KMT5C: variants seen among roughly 807,000 people sequenced by gnomAD.
The protein encoded by KMT5C is histone-lysine N-methyltransferase KMT5C.
In KMT5C, 16 loss-of-function variants were observed where a neutral mutation model predicts 38.2. The ratio of observed to expected loss-of-function variants is 0.42; its 90% confidence interval spans 0.28 to 0.64. The LOEUF is 0.64. KMT5C is among the 30% of genes least tolerant of loss of function. KMT5C has a pLI of 0.23. For synonymous variants in KMT5C, 291 were observed against 279.0 expected (o/e 1.04, Z -0.43); for missense variants, 598 against 665.1 (o/e 0.90, Z 1.11).
chr19:55,342,848 C>G lies in KMT5C; in HGVS notation c.383C>G (p.Ala128Gly), dbSNP rs768377793. The change falls in exon 4 of 9, where the codon GCT becomes GGT. Residue 128 changes from alanine (A) to glycine (G), a missense_variant. Physicochemically the swap from Ala to Gly is moderately conservative, Grantham distance 60. Transcript: ENST00000255613. ...GGGGCCAAGATCGTGTCCACTCGTG[C>G]TTGGTAAGAGGGCAGGACTCCCTGC... is the stretch of plus-strand genomic sequence containing the variant. ...TNGAKIVSTR[A>G]WKKNEKLELL... 7 of 1,576,340 alleles carry G rather than the reference C, an allele frequency of 4.4e-6. No homozygotes were observed. The South Asian group carries it at 7.8e-5, about 17-fold the overall frequency.
Position 55,341,941 on chromosome 19 carries a change from G to T in KMT5C, c.5G>T (p.Gly2Val). 1 of 1,612,728 alleles carries T rather than the reference G, an allele frequency of 6.2e-7. No homozygotes were observed. Among genetic ancestry groups the T allele is most frequent in the Non-Finnish European group, 8.5e-7 (1 of 1,179,206 alleles). The change falls in exon 2 of 9, where the codon GGG (glycine) becomes GTG (valine). Residue 2 changes from glycine (G) to valine (V), a missense_variant. Physicochemically the swap from Gly to Val is moderately radical, Grantham distance 109. This residue lies in a region of KMT5C where 167 missense variants were observed against 187.8 expected (regional missense o/e 0.89). Transcript: ENST00000255613. ...CAGCATGGTCCGCAGGGCACCATGGGGCCCGACAGAGTGACAGCACGAGAA... is the reference window on the plus strand; with the variant it reads ...CAGCATGGTCCGCAGGGCACCATGGTGCCCGACAGAGTGACAGCACGAGAA... M[G>V]PDRVTARELC...
intron 6 of KMT5C, chr19:55,345,956 C>T (rs1022370301): frequency 3.3e-5 from 18 of 539,180 alleles, no homozygotes; most frequent in East Asian, 2.9e-4. Context: ...TGGCACTGCA[C>T]GCTGCCAGAA....
Position 55,343,384 on chromosome 19 carries a change from T to A in KMT5C, c.387-296T>A, listed in dbSNP as rs2089582691. On this transcript the variant is annotated intron_variant, in intron 4 of 8. Transcript: ENST00000255613. This position sits in a 1 kb window ranked among gnomAD's most constrained non-coding sequence, Gnocchi z 5.5. ...TAGGGGGTAGTCCAGGCAGGAGGGA[T>A]TTGGGGGCAGGAGGTGCTATGAGAG... is the stretch of plus-strand genomic sequence containing the variant. The A allele has an allele frequency of 2.3e-6, 1 of 430,792 alleles. No homozygotes were observed. Among genetic ancestry groups the A allele is most frequent in the Non-Finnish European group, 4.3e-6 (1 of 233,450 alleles). 26.7% of individuals were successfully genotyped at this position (430,792 alleles called of 1,614,324 possible).
chr19:55,346,762 C>T (rs1056545733), intron 8 of KMT5C, 75 bp downstream of exon 8: 10 of 1,307,452 alleles, frequency 7.6e-6, no homozygotes, highest in Admixed American at 2.5e-5. Flanking sequence ...TTCTTCTGAG[C>T]TCTCTGCCTA....
chr19:55,346,850 G>C (rs2089624993), intron 8 of KMT5C, 106 bp from the exon 9 acceptor site: 2 of 789,548 alleles, frequency 2.5e-6, no homozygotes, highest in African/African-American at 1.7e-5. Flanking sequence ...TTCCTCTGGG[G>C]AGCGCAGGGC....
At chr19:55,341,626 G>T in intron 1 of KMT5C, 168 bp from the exon 2 acceptor site, 1 of 422,526 alleles carries the variant, frequency 2.4e-6, no homozygotes, top group Non-Finnish European at 4.4e-6. Flanking sequence ...GTGCATGTGG[G>T]GGTTGTGTGT....
chr19:55,341,705 G>GTT (rs1757058916), intron 1 of KMT5C, 89 bp from the exon 2 acceptor site: 1 of 570,724 alleles, frequency 1.8e-6, no homozygotes, highest in Non-Finnish European at 3.1e-6. Context: ...CATGGCTCTG[G>GTT]GCTTTCCCTA....
Position 55,347,204 on chromosome 19 carries a change from G to C in KMT5C, c.1144G>C (p.Ala382Pro). 4 of 1,538,850 alleles carry C rather than the reference G, an allele frequency of 2.6e-6. No homozygotes were observed. Among genetic ancestry groups the C allele is most frequent in the Non-Finnish European group, 3.5e-6 (4 of 1,146,724 alleles). The change falls in exon 9 of 9, where the codon GCC becomes CCC. Residue 382 changes from alanine (A) to proline (P), a missense_variant. By Grantham distance (27) the Ala-to-Pro change is conservative. This residue lies in a region of KMT5C where 326 missense variants were observed against 298.1 expected (regional missense o/e 1.09). Coordinates refer to ENST00000255613, the MANE Select transcript of KMT5C (RefSeq NM_032701.4). The surrounding 1 kb of genome is among the most constrained non-coding windows in gnomAD (Gnocchi z 4.6). Reference protein sequence around the residue: ...ALVALGQPPHARWAPQQDWHW... With the variant: ...ALVALGQPPHPRWAPQQDWHW... The stretch of plus-strand genomic sequence containing the variant: ...GGTGGCCCTGGGCCAGCCCCCCCAC[G>C]CCCGCTGGGCCCCTCAGCAGGACTG...
Position 55,343,021 on chromosome 19 carries a change from G to A in KMT5C, c.386+170G>A, listed in dbSNP as rs12610863. 226,795 of 598,636 alleles carry A rather than the reference G, an allele frequency of 0.38. 48,548 individuals are homozygous for A. The highest frequency in any genetic ancestry group is 0.72 in the East Asian group (25,689 of 35,462). 37.1% of individuals were successfully genotyped at this position (598,636 alleles called of 1,614,324 possible). A position where few individuals can be genotyped will look rare whatever the true frequency, so the allele number is the denominator to read the frequency against. Reference sequence around the variant, plus strand: ...ATCCCGGAAGACCTTTGTGGCTACCGTGGTGCCGCTGGAGCAGGAGACCCC... The same window carrying A: ...ATCCCGGAAGACCTTTGTGGCTACCATGGTGCCGCTGGAGCAGGAGACCCC... On this transcript the variant is annotated intron_variant, in intron 4 of 8. Coordinates refer to ENST00000255613, the MANE Select transcript of KMT5C (RefSeq NM_032701.4). The surrounding 1 kb of genome is among the most constrained non-coding windows in gnomAD (Gnocchi z 5.5).
chr19:55,347,547 G>A lies in KMT5C; in HGVS notation c.*98G>A. On this transcript the variant is annotated 3_prime_UTR_variant, in exon 9 of 9. Coordinates refer to ENST00000255613, the MANE Select transcript of KMT5C (RefSeq NM_032701.4). The surrounding 1 kb of genome is among the most constrained non-coding windows in gnomAD (Gnocchi z 4.6). ...GCCCTTGGACCTCTGGGAGGGAGCT[G>A]ACCCTTGACTCCAGCATAGCTCTGA... The A allele has an allele frequency of 6.9e-7, 1 of 1,445,408 alleles. No homozygotes were observed. The highest frequency in any genetic ancestry group is 9.1e-7 in the Non-Finnish European group (1 of 1,104,970). The allele number at this position is 1,445,408 out of a possible 1,614,324, so 89.5% of individuals were successfully genotyped here. A position where few individuals can be genotyped will look rare whatever the true frequency, so the allele number is the denominator to read the frequency against.
chr19:55,342,715 C>T, intron 3 of KMT5C, 27 bp from the exon 4 acceptor site: 1 of 1,307,734 alleles, frequency 7.6e-7, no homozygotes, highest in Non-Finnish European at 1.1e-6. Context: ...TGCCCCGCCT[C>T]CTCACCCCCA....
chr19:55,346,548 A>T lies in KMT5C; in HGVS notation c.756A>T (p.Pro252=), dbSNP rs1423702950. 6.3e-7 allele frequency: 1 copy of T among 1,595,972 alleles called. No individual in the cohort carries two copies. ...CCAGGCCTAGGGAGCCCGCGTTGCC[A>T]CCACGGCCCCTGGACAAGTACCAGC... ...FRTRPREPAL[P]PRPLDKYQLR... Residue 252 remains proline (P), a synonymous_variant, in exon 8 of 9, where the codon CCA becomes CCT. Coordinates refer to ENST00000255613, the MANE Select transcript of KMT5C (RefSeq NM_032701.4).
rs540081671 is a variant in KMT5C, at chr19:55,345,309, G to A, written c.571-904G>A. On this transcript the variant is annotated intron_variant, in intron 6 of 8. Transcript: ENST00000255613. ...GCGACGGCTTTGATCCGGCAGCAAGGCCTTGGGGTCCGGGCCAGGGAGCCA... is the reference window on the plus strand; with the variant it reads ...GCGACGGCTTTGATCCGGCAGCAAGACCTTGGGGTCCGGGCCAGGGAGCCA... 337 of 353,570 alleles carry A rather than the reference G, an allele frequency of 9.5e-4. 10 individuals carry two copies. Among genetic ancestry groups the A allele is most frequent in the South Asian group, 6.9e-3 (324 of 46,992 alleles). 21.9% of individuals were successfully genotyped at this position (353,570 alleles called of 1,614,324 possible).
intron 6 of KMT5C, among the ~76,000 whole-genome samples, chr19:55,345,362 G>T (rs1171363785): frequency 6.6e-6 from 1 of 152,166 alleles, no homozygotes; most frequent in African/African-American, 2.4e-5. Context: ...GTGTATAATG[G>T]GAAGCTTGGT....
chr19:55,344,431 G>A (rs1306538918), intron 6 of KMT5C: 3 of 342,862 alleles, frequency 8.7e-6, no homozygotes, highest in Admixed American at 4.0e-5. Context: ...CCTGGAAGGG[G>A]CAGAGTGGGT....
chr19:55,342,393 T>C lies in KMT5C; in HGVS notation c.276+13T>C. Reference sequence around the variant, plus strand: ...CCTCAAGACCCACGTGAGGGCGCCCTCCCCTCCCCCGCCCTCACCGCGTGT... The same window carrying C: ...CCTCAAGACCCACGTGAGGGCGCCCCCCCCTCCCCCGCCCTCACCGCGTGT... On this transcript the variant is annotated intron_variant, in intron 3 of 8. Coordinates refer to ENST00000255613, the MANE Select transcript of KMT5C (RefSeq NM_032701.4). 6.8e-7 allele frequency: 1 copy of C among 1,478,436 alleles called. No homozygotes were observed. The highest frequency in any genetic ancestry group is 9.0e-7 in the Non-Finnish European group (1 of 1,113,754). 91.6% of individuals were successfully genotyped at this position (1,478,436 alleles called of 1,614,324 possible). A position where few individuals can be genotyped will look rare whatever the true frequency, so the allele number is the denominator to read the frequency against.
In KMT5C at chr19:55,346,643, G is replaced by T. The variant is rs1241003114; in HGVS notation, c.851G>T (p.Arg284Leu). 6.3e-7 allele frequency: 1 copy of T among 1,575,752 alleles called. No individual in the cohort carries two copies. The highest frequency in any genetic ancestry group is 2.3e-5 in the East Asian group (1 of 42,826). Residue 284 changes from arginine to leucine, a missense_variant, in exon 8 of 9, where the codon CGG becomes CTG. This residue lies in a region of KMT5C where 326 missense variants were observed against 298.1 expected (regional missense o/e 1.09). Coordinates refer to ENST00000255613, the MANE Select transcript of KMT5C (RefSeq NM_032701.4). The part of the protein sequence containing the change: ...SGSRQGLLGP[R>L]ACVHPSPLRR... ...AGCCGACAGGGCCTGCTGGGCCCTC[G>T]GGCCTGCGTGCACCCATCCCCGCTG...
At position 55,347,523 on chromosome 19, in the gene KMT5C, C is replaced by T. The variant is rs2089636534; in HGVS notation, c.*74C>T. The T allele has an allele frequency of 6.8e-7, 1 of 1,469,638 alleles. No individual in the cohort carries two copies. The highest frequency in any genetic ancestry group is 1.4e-5 in the South Asian group (1 of 70,494). 91.0% of individuals were successfully genotyped at this position (1,469,638 alleles called of 1,614,324 possible). ...TGCTACCCAGGACCTCCAGAAGGAG[C>T]CCTTGGACCTCTGGGAGGGAGCTGA... is the stretch of plus-strand genomic sequence containing the variant. On this transcript the variant is annotated 3_prime_UTR_variant, in exon 9 of 9. Transcript: ENST00000255613. The surrounding 1 kb of genome is among the most constrained non-coding windows in gnomAD (Gnocchi z 4.6).
intron 6 of KMT5C, chr19:55,344,266 G>T (rs1600264264): frequency 2.9e-6 from 1 of 346,290 alleles, no homozygotes. Flanking sequence ...GGAGGCTGAG[G>T]CAGGAGAATG....
Sources: gnomAD v4.1 joint callset for allele counts (sites outside exome capture counted in the v4.1 genomes callset) on GRCh38, gnomAD v4.1.1 for gene constraint, gnomAD v4.1.1 regional missense constraint, Gnocchi (gnomAD v3.1) non-coding constraint, MANE v1.5 for transcripts, NCBI Gene and HGNC (gene_info 2026-07-23, HGNC 2026-07-21) for gene names.